Variants in AGBL4 observed in about 807,000 individuals in gnomAD.
AGBL4 encodes the protein cytosolic carboxypeptidase 6.
In AGBL4, 58 loss-of-function variants were observed where a neutral mutation model predicts 66.4. The ratio of observed to expected loss-of-function variants is 0.87; its 90% CI spans 0.71 to 1.09. The LOEUF (loss-of-function observed/expected upper bound fraction) is 1.09, where lower values mean the gene tolerates loss of function less well. Among genes scored for constraint, AGBL4 ranks in the 50% least tolerant of loss-of-function variants. AGBL4 has a pLI of 0.00. For missense variants in AGBL4, 579 were observed against 631.0 expected (o/e 0.92, Z 0.88); for synonymous variants, 234 against 222.9 (o/e 1.05, Z -0.44).
chr1:48,525,732 A>T, the AGBL4 span, among the ~76,000 whole-genome samples: 1 of 152,222 alleles, frequency 6.6e-6, no homozygotes, highest in Non-Finnish European at 1.5e-5. Flanking sequence ...AGCTGGGAGC[A>T]GAACCCAGTT....
rs151210088 is a variant in AGBL4, at chr1:49,322,022, G to C, written c.283-76158C>G. On this transcript the variant is annotated intron_variant, in intron 3 of 13. Transcript: ENST00000371839. ...GGGCCCTGAGTAAATTTTTAGAGCAGAGCATGCCACCAACCCAGGTTAATC... is the reference window on the plus strand; with the variant it reads ...GGGCCCTGAGTAAATTTTTAGAGCACAGCATGCCACCAACCCAGGTTAATC... Among the ~76,000 whole-genome samples the C allele has an allele frequency of 1.7e-3, 261 of 152,298 alleles. 1 individual carries two copies. Among genetic ancestry groups the C allele is most frequent in the African/African-American group, 5.8e-3 (243 of 41,558 alleles).
intron 3 of AGBL4, among the ~76,000 whole-genome samples, chr1:49,306,160 C>G (rs1171849215): frequency 6.6e-6 from 1 of 152,128 alleles, no homozygotes; most frequent in Non-Finnish European, 1.5e-5. Flanking sequence ...TGAGCATAGA[C>G]AATCCTTTAC....
chr1:49,159,641 T>C (rs1646502905), intron 4 of AGBL4, among the ~76,000 whole-genome samples: 1 of 152,194 alleles, frequency 6.6e-6, no homozygotes, highest in Non-Finnish European at 1.5e-5. Context: ...TCCTGGATAA[T>C]ATCCTGAAGT....
In AGBL4 at chr1:49,190,341, G is replaced by C. The variant is rs558265531; in HGVS notation, c.377+55429C>G. On this transcript the variant is annotated intron_variant, in intron 4 of 13. Coordinates refer to ENST00000371839, the MANE Select transcript of AGBL4 (RefSeq NM_032785.4). ...CTGCAGGTCTGGGCTTTGTTCCTAG[G>C]TACACAGATGAGTCCTTTATTATAT... Among the ~76,000 whole-genome samples, 4 of 152,314 alleles carry C rather than the reference G, an allele frequency of 2.6e-5. No homozygotes were observed. The East Asian group carries it at 7.7e-4, about 29-fold the overall frequency.
At chr1:49,505,767 T>C (rs1648621105) in intron 3 of AGBL4, among the ~76,000 whole-genome samples, 1 of 151,998 alleles carries the variant, frequency 6.6e-6, no homozygotes, top group Non-Finnish European at 1.5e-5. Flanking sequence ...TGGATATATA[T>C]ACATCTTTCC....
chr1:48,840,174 T>C (rs1312056094), intron 6 of AGBL4, among the ~76,000 whole-genome samples: 1 of 152,130 alleles, frequency 6.6e-6, no homozygotes, highest in Non-Finnish European at 1.5e-5. Flanking sequence ...ACTGGGATAT[T>C]TGGGAACCAT....
chr1:49,598,271 T>TTTGGAGGAGGAGA (rs1382479907), intron 3 of AGBL4, among the ~76,000 whole-genome samples: 1 of 152,246 alleles, frequency 6.6e-6, no homozygotes, highest in African/African-American at 2.4e-5. Context: ...ACTGCGTTCC[T>TTTGGAGGAGGAGA]TTGGAGGAGG....
intron 5 of AGBL4, among the ~76,000 whole-genome samples, chr1:49,039,263 C>T (rs1664913053): frequency 1.3e-5 from 2 of 152,070 alleles, no homozygotes; most frequent in Admixed American, 6.6e-5. Flanking sequence ...ATGGTGGACA[C>T]AGGCCATTAT....
At chr1:49,336,933 T>C (rs1025694039) in intron 3 of AGBL4, among the ~76,000 whole-genome samples, 6 of 152,166 alleles carry the variant, frequency 3.9e-5, no homozygotes, top group African/African-American at 1.4e-4. Context: ...TTCAATAACA[T>C]GTAGAATCAT....
chr1:48,712,842 C>G (rs926441158), intron 6 of AGBL4, among the ~76,000 whole-genome samples: 3 of 152,192 alleles, frequency 2.0e-5, no homozygotes, highest in Non-Finnish European at 4.4e-5. Flanking sequence ...TTGTGGCCCC[C>G]GTGAATGGGG....
chr1:49,391,662 C>T (rs1179750755), intron 3 of AGBL4, among the ~76,000 whole-genome samples: 8 of 150,956 alleles, frequency 5.3e-5, no homozygotes, highest in Non-Finnish European at 7.4e-5. Flanking sequence ...CCCGGGTTCA[C>T]ACCATTCTCC....
chr1:48,568,935 C>T (rs1396407762), intron 11 of AGBL4, among the ~76,000 whole-genome samples: 2 of 152,170 alleles, frequency 1.3e-5, no homozygotes, highest in Admixed American at 1.3e-4. Flanking sequence ...TTACTGGGTC[C>T]TCAGCCACCT....
chr1:48,875,053 T>C (rs1419525751), intron 5 of AGBL4, among the ~76,000 whole-genome samples: 2 of 152,202 alleles, frequency 1.3e-5, no homozygotes, highest in Non-Finnish European at 2.9e-5. Context: ...GCATTTGCTA[T>C]GTATGTGCCA....
At chr1:48,842,641 G>C (rs1375655181) in intron 6 of AGBL4, among the ~76,000 whole-genome samples, 1 of 152,140 alleles carries the variant, frequency 6.6e-6, no homozygotes, top group Non-Finnish European at 1.5e-5. Flanking sequence ...ACGAACTGCT[G>C]TATGATCCGG....
At chr1:49,969,020 T>C (rs933559463) in intron 1 of AGBL4, among the ~76,000 whole-genome samples, 6 of 152,238 alleles carry the variant, frequency 3.9e-5, no homozygotes, top group Admixed American at 2.6e-4. Flanking sequence ...GCATCTGTAT[T>C]TGCTTTTGAA....
At chr1:49,445,491 T>C (rs571181136) in intron 3 of AGBL4, among the ~76,000 whole-genome samples, 1 of 152,154 alleles carries the variant, frequency 6.6e-6, no homozygotes, top group Non-Finnish European at 1.5e-5. Flanking sequence ...GAGTATTCAA[T>C]TGTTTTATGT....
chr1:48,558,613 G>A (rs1644355145), intron 11 of AGBL4, among the ~76,000 whole-genome samples: 1 of 152,204 alleles, frequency 6.6e-6, no homozygotes, highest in Admixed American at 6.5e-5. Context: ...GAGAGGGTGG[G>A]ATATCCACCA....
At position 48,695,950 on chromosome 1, in the gene AGBL4, G is replaced by A. The variant is rs1458379128; in HGVS notation, c.635-32709C>T. 2.6e-5 allele frequency among the ~76,000 whole-genome samples: 4 copies of A among 151,968 alleles called. No homozygotes were observed. In the East Asian group the frequency reaches 5.8e-4, roughly 22 times the overall value. On this transcript the variant is annotated intron_variant, in intron 6 of 13. Transcript: ENST00000371839. ...TTGACCCACTGGCCTGCATGGCCAG[G>A]GAGTTCAGCGCCACCTGGATTCATC...
intron 11 of AGBL4, among the ~76,000 whole-genome samples, chr1:48,570,631 T>A (rs1440357021): frequency 1.3e-5 from 2 of 152,164 alleles, no homozygotes; most frequent in Admixed American, 1.3e-4. Flanking sequence ...TAGCACAGTA[T>A]CTGGCACATA....
Sources: allele counts gnomAD v4.1 joint callset (sites outside exome capture counted in the v4.1 genomes callset), GRCh38; gene constraint gnomAD v4.1.1; transcripts MANE v1.5; gene names NCBI Gene and HGNC (gene_info 2026-07-23, HGNC 2026-07-21).